Variants in FOXJ3 observed in about 807,000 individuals in gnomAD.
FOXJ3 encodes the protein forkhead box J3, also known as forkhead box protein J3.
A neutral mutation model predicts 76.1 loss-of-function variants in FOXJ3; 22 were observed. The ratio of observed to expected loss-of-function variants is 0.29; its 90% CI spans 0.21 to 0.41. The LOEUF (loss-of-function observed/expected upper bound fraction) is 0.41, where lower values mean the gene tolerates loss of function less well. FOXJ3 is among the 10% of genes least tolerant of loss of function. The pLI is 1.00. For synonymous variants in FOXJ3, 269 were observed against 261.2 expected (o/e 1.03, Z -0.29); for missense variants, 613 against 762.1 (o/e 0.80, Z 2.30).
At chr1:42,238,490 T>C (rs1022693694) in intron 4 of FOXJ3, among the ~76,000 whole-genome samples, 2 of 152,226 alleles carry the variant, frequency 1.3e-5, no homozygotes, top group African/African-American at 4.8e-5. Context: ...ATTTTGCCTA[T>C]TTTAGGCCCT....
At chr1:42,263,701 C>T (rs1177142596) in intron 4 of FOXJ3, among the ~76,000 whole-genome samples, 4 of 151,848 alleles carry the variant, frequency 2.6e-5, no homozygotes, top group African/African-American at 7.3e-5. Flanking sequence ...AAGATAGAAA[C>T]GAATAACTCT....
chr1:42,334,518 A>G (rs1172474547), intron 1 of FOXJ3, among the ~76,000 whole-genome samples: 1 of 152,086 alleles, frequency 6.6e-6, no homozygotes, highest in Admixed American at 6.5e-5. Flanking sequence ...AATCCCAGCA[A>G]AGGACACAGA....
chr1:42,197,942 A>AT lies in FOXJ3; in HGVS notation c.759+1159dup, dbSNP rs1229915659. ...TATGAGCCACCTCATTCCAGCATGT[A>AT]TTTTTTATTGCTGTACCTTTTTTTT... On this transcript the variant is annotated intron_variant, in intron 7 of 12. Transcript: ENST00000361346. 2.0e-5 allele frequency among the ~76,000 whole-genome samples: 3 copies of AT among 151,806 alleles called. No individual in the cohort carries two copies. In the East Asian group the frequency reaches 5.8e-4, roughly 29 times the overall value.
chr1:42,210,942 G>A (rs1402674647), intron 5 of FOXJ3, among the ~76,000 whole-genome samples: 68 of 152,228 alleles, frequency 4.5e-4, no homozygotes, highest in Admixed American at 4.4e-3. Flanking sequence ...GGGGTGGGGC[G>A]GGGAGTGTAC....
chr1:42,220,766 C>T (rs552603742), intron 5 of FOXJ3, among the ~76,000 whole-genome samples: 5 of 152,274 alleles, frequency 3.3e-5, no homozygotes, highest in African/African-American at 1.2e-4. Context: ...CCCTTATTGG[C>T]TTCATTCCCT....
At chr1:42,184,585 A>G (rs1264338485) in intron 11 of FOXJ3, among the ~76,000 whole-genome samples, 1 of 152,104 alleles carries the variant, frequency 6.6e-6, no homozygotes, top group Non-Finnish European at 1.5e-5. Context: ...TCGAGGCACT[A>G]TGGATACAGC....
At chr1:42,218,940 C>G (rs1449942814) in intron 5 of FOXJ3, among the ~76,000 whole-genome samples, 3 of 152,124 alleles carry the variant, frequency 2.0e-5, no homozygotes, top group Non-Finnish European at 4.4e-5. Context: ...CAGCAGATTC[C>G]CAGGCCTGTA....
chr1:42,263,404 T>C (rs1364677205), intron 4 of FOXJ3, among the ~76,000 whole-genome samples: 2 of 152,184 alleles, frequency 1.3e-5, no homozygotes, highest in African/African-American at 4.8e-5. Context: ...CTCTGAAGTC[T>C]CTTAAAAATA....
chr1:42,300,047 A>C (rs1322186277), intron 2 of FOXJ3, among the ~76,000 whole-genome samples: 1 of 151,954 alleles, frequency 6.6e-6, no homozygotes, highest in Non-Finnish European at 1.5e-5. Flanking sequence ...CTAAAAATGT[A>C]AAATTAGCCA....
chr1:42,179,853 C>T (rs746242548), intron 12 of FOXJ3, 28 bp from the exon 13 acceptor site: 29 of 1,436,218 alleles, frequency 2.0e-5, no homozygotes, highest in South Asian at 4.6e-5. Flanking sequence ...ATAATAGCAG[C>T]GACTTGGGTA....
intron 2 of FOXJ3, among the ~76,000 whole-genome samples, chr1:42,279,909 C>G (rs934642383): frequency 5.9e-5 from 9 of 151,982 alleles, no homozygotes; most frequent in African/African-American, 2.2e-4. Context: ...TGGCTCCTGA[C>G]AAAAAGCAAC....
intron 4 of FOXJ3, among the ~76,000 whole-genome samples, chr1:42,234,817 T>A (rs1648466279): frequency 6.6e-6 from 1 of 152,034 alleles, no homozygotes; most frequent in African/African-American, 2.4e-5. Flanking sequence ...TACTGGGGGG[T>A]GCCTCCCAGT....
chr1:42,333,279 T>A (rs181114713), intron 1 of FOXJ3, among the ~76,000 whole-genome samples: 12 of 152,130 alleles, frequency 7.9e-5, no homozygotes, highest in Middle Eastern at 3.4e-3. Flanking sequence ...ACTCAAAGAA[T>A]GTACAATGTG....
chr1:42,275,201 G>A (rs988186375), intron 3 of FOXJ3, among the ~76,000 whole-genome samples: 8 of 152,096 alleles, frequency 5.3e-5, no homozygotes, highest in Admixed American at 1.3e-4. Context: ...CTTGGTGCAC[G>A]GTAAATCAGC....
intron 1 of FOXJ3, among the ~76,000 whole-genome samples, chr1:42,319,057 C>T (rs1452416509): frequency 6.6e-6 from 1 of 152,090 alleles, no homozygotes; most frequent in Non-Finnish European, 1.5e-5. Context: ...ATGGCAAGAT[C>T]CCATCTCTAA....
Position 42,277,362 on chromosome 1 carries a change from T to TA in FOXJ3, c.369+985dup, listed in dbSNP as rs111348093. ...AACAGAGCAAGACCTTGTCTCTAAT[T>TA]AAAAAAAAAAAAAATCTTGGCCAGG... On this transcript the variant is annotated intron_variant, in intron 3 of 12. Coordinates refer to ENST00000361346, the MANE Select transcript of FOXJ3 (RefSeq NM_014947.5). 2.7e-4 allele frequency among the ~76,000 whole-genome samples: 40 copies of TA among 147,528 alleles called. No homozygotes were observed. The Middle Eastern group carries it at 0.011, about 39-fold the overall frequency.
At chr1:42,294,403 T>C (rs763524993) in intron 2 of FOXJ3, among the ~76,000 whole-genome samples, 99 of 152,284 alleles carry the variant, frequency 6.5e-4, no homozygotes, top group Admixed American at 4.2e-3. Context: ...TACCTAAATT[T>C]TCTCCCCCAG....
At chr1:42,210,486 C>A (rs932949125) in intron 5 of FOXJ3, among the ~76,000 whole-genome samples, 4 of 152,126 alleles carry the variant, frequency 2.6e-5, no homozygotes, top group African/African-American at 9.7e-5. Context: ...ACCAGCACAG[C>A]CCATTACAAC....
rs367738619 is a variant in FOXJ3 at position 42,287,276 on chromosome 1, G to A, written c.45-8604C>T. Among the ~76,000 whole-genome samples the A allele has an allele frequency of 2.0e-5, 3 of 151,958 alleles. No individual in the cohort carries two copies. In the East Asian group the frequency reaches 5.9e-4, roughly 30 times the overall value. ...AATCGCATGAACCCAGGAGGTGGAG[G>A]CTGCAGTGAGCCAAGATCCCACCAC... is the stretch of plus-strand genomic sequence containing the variant. On this transcript the variant is annotated intron_variant, in intron 2 of 12. Transcript: ENST00000361346.
Sources: gnomAD v4.1 joint callset for allele counts (sites outside exome capture counted in the v4.1 genomes callset) on GRCh38, gnomAD v4.1.1 for gene constraint, MANE v1.5 for transcripts, NCBI Gene and HGNC (gene_info 2026-07-23, HGNC 2026-07-21) for gene names.